Variants in PLCL2 observed in about 807,000 individuals in gnomAD.
The protein encoded by PLCL2 is phospholipase C like 2.
A neutral mutation model predicts 79.6 loss-of-function variants in PLCL2; 4 were observed. The observed-to-expected ratio is 0.05, with a 90% CI of 0.02 to 0.11. The LOEUF (loss-of-function observed/expected upper bound fraction) is 0.11, where lower values mean the gene tolerates loss of function less well. Among genes scored for constraint, PLCL2 ranks in the 10% least tolerant of loss-of-function variants. PLCL2 has a pLI of 1.00. For synonymous variants in PLCL2, 484 were observed against 457.7 expected, an observed-to-expected ratio of 1.06 and a Z score of -0.73; for missense variants, 895 against 1,291.0, an observed-to-expected ratio of 0.69 and a Z score of 4.70.
At chr3:16,927,772 A>G (rs972349066) in intron 1 of PLCL2, among the ~76,000 whole-genome samples, 5 of 151,144 alleles carry the variant, frequency 3.3e-5, no homozygotes, top group African/African-American at 1.2e-4. Flanking sequence ...GGGGTTTGCC[A>G]AAGTGTACAC....
At chr3:16,924,036 C>T (rs1011346147) in intron 1 of PLCL2, among the ~76,000 whole-genome samples, 4 of 152,094 alleles carry the variant, frequency 2.6e-5, no homozygotes, top group South Asian at 2.1e-4. Flanking sequence ...TCTTTGTGCA[C>T]GATTCCCTTT....
chr3:16,972,369 A>T (rs937182822), intron 1 of PLCL2, among the ~76,000 whole-genome samples: 1 of 152,036 alleles, frequency 6.6e-6, no homozygotes, highest in African/African-American at 2.4e-5. Flanking sequence ...GGTTGGTATG[A>T]TTTTGGCTTT....
chr3:17,037,909 G>A (rs1430997115), intron 3 of PLCL2, among the ~76,000 whole-genome samples: 2 of 151,932 alleles, frequency 1.3e-5, no homozygotes, highest in Admixed American at 6.6e-5. Flanking sequence ...TAGAAATCTA[G>A]TAATATATAA....
rs149073936 is a variant in PLCL2 at position 17,071,660 on chromosome 3, A to G, written c.3204+3595A>G. 3.0e-3 allele frequency among the ~76,000 whole-genome samples: 453 copies of G among 152,152 alleles called. 4 individuals carry two copies. The highest frequency in any genetic ancestry group is 0.01 in the African/African-American group (432 of 41,508). ...TCATACTTTTTTTCACACTTTCGGT[A>G]TGTTTGAAATTAGCATATATCTTAT... is the stretch of plus-strand genomic sequence containing the variant. On this transcript the variant is annotated intron_variant, in intron 5 of 5. Coordinates refer to ENST00000615277, the MANE Select transcript of PLCL2 (RefSeq NM_001144382.2).
chr3:16,950,614 T>C (rs2063641418), intron 1 of PLCL2, among the ~76,000 whole-genome samples: 1 of 151,990 alleles, frequency 6.6e-6, no homozygotes, highest in South Asian at 2.1e-4. Flanking sequence ...GTAAGTCTTA[T>C]TCTTCTATTG....
chr3:17,060,939 C>T (rs1265353023), intron 4 of PLCL2, among the ~76,000 whole-genome samples: 1 of 152,098 alleles, frequency 6.6e-6, no homozygotes. Flanking sequence ...AATTTTTATA[C>T]TGGTTGTGTT....
At chr3:17,039,675 A>G (rs1170473527) in intron 3 of PLCL2, among the ~76,000 whole-genome samples, 1 of 152,146 alleles carries the variant, frequency 6.6e-6, no homozygotes, top group Admixed American at 6.6e-5. Flanking sequence ...AGCTTTGCTC[A>G]TTGTTTACTA....
chr3:16,919,221 A>T (rs924974610), intron 1 of PLCL2, among the ~76,000 whole-genome samples: 7 of 152,142 alleles, frequency 4.6e-5, no homozygotes, highest in African/African-American at 1.7e-4. Flanking sequence ...GCCTTTATAT[A>T]CTAGCTAGTT....
At chr3:16,917,191 T>A (rs1460675450) in intron 1 of PLCL2, among the ~76,000 whole-genome samples, 1 of 152,178 alleles carries the variant, frequency 6.6e-6, no homozygotes, top group Admixed American at 6.5e-5. Flanking sequence ...TTCCTTTCAA[T>A]TAGAGTCATG....
At chr3:17,062,500 C>T (rs1235137157) in intron 4 of PLCL2, among the ~76,000 whole-genome samples, 1 of 152,172 alleles carries the variant, frequency 6.6e-6, no homozygotes, top group Non-Finnish European at 1.5e-5. Flanking sequence ...ATCCTAGTTC[C>T]TCCCCCTCTG....
intron 3 of PLCL2, among the ~76,000 whole-genome samples, chr3:17,021,960 T>G (rs990460023): frequency 6.6e-6 from 1 of 152,188 alleles, no homozygotes; most frequent in African/African-American, 2.4e-5. Context: ...GGGACCCGGC[T>G]GTTAGCATCA....
At position 16,973,435 on chromosome 3, in the gene PLCL2, A is replaced by C. The variant is rs145377756; in HGVS notation, c.328-36239A>C. Among the ~76,000 whole-genome samples, 1,339 of 151,214 alleles carry C rather than the reference A, an allele frequency of 8.9e-3. 66 individuals carry two copies. Among genetic ancestry groups the C allele is most frequent in the Admixed American group, 0.071 (1,076 of 15,142 alleles). On this transcript the variant is annotated intron_variant, in intron 1 of 5. Coordinates refer to ENST00000615277, the MANE Select transcript of PLCL2 (RefSeq NM_001144382.2). ...GATGTCATCTTGTATAGTATTTCAC[A>C]GGTATTCTCTGCATTTCCTGCATTT...
At chr3:16,926,531 T>C (rs1289263687) in intron 1 of PLCL2, among the ~76,000 whole-genome samples, 1 of 152,192 alleles carries the variant, frequency 6.6e-6, no homozygotes, top group Non-Finnish European at 1.5e-5. Flanking sequence ...TTTTGAAAGA[T>C]AAATAATGTC....
At position 16,885,276 on chromosome 3, in the gene PLCL2, T is replaced by C; in HGVS notation, c.237T>C (p.Val79=). ...GCCCTACCAGGGGACCCCGCGGCGT[T>C]GCGCTCGCCCCGACCCCCAGCGCGG... ...RASPTRGPRG[V]ALAPTPSAVV... The change falls in exon 1 of 6, where the codon GTT becomes GTC. Residue 79 remains valine, a synonymous_variant. Coordinates refer to ENST00000615277, the MANE Select transcript of PLCL2 (RefSeq NM_001144382.2). 1.5e-6 allele frequency: 1 copy of C among 663,198 alleles called. No homozygotes were observed. 41.1% of individuals were successfully genotyped at this position (663,198 alleles called of 1,614,324 possible). A position where few individuals can be genotyped will look rare whatever the true frequency, so the allele number is the denominator to read the frequency against.
chr3:17,031,695 A>G (rs1227155574), intron 3 of PLCL2, among the ~76,000 whole-genome samples: 1 of 152,194 alleles, frequency 6.6e-6, no homozygotes, highest in Non-Finnish European at 1.5e-5. Context: ...ATAGCATACC[A>G]AGTTCTCCCC....
At chr3:17,083,798 C>T (rs1027685052) in intron 5 of PLCL2, among the ~76,000 whole-genome samples, 6 of 152,128 alleles carry the variant, frequency 3.9e-5, no homozygotes, top group African/African-American at 1.4e-4. Context: ...CAGGTCACTG[C>T]AAGAATGGAG....
At chr3:16,996,752 G>A (rs2064157837) in intron 1 of PLCL2, among the ~76,000 whole-genome samples, 1 of 152,056 alleles carries the variant, frequency 6.6e-6, no homozygotes, top group Non-Finnish European at 1.5e-5. Flanking sequence ...CCGTTTGGTA[G>A]GCAGTGAACA....
At chr3:17,019,230 C>G (rs1005038875) in intron 3 of PLCL2, among the ~76,000 whole-genome samples, 15 of 152,238 alleles carry the variant, frequency 9.9e-5, no homozygotes, top group African/African-American at 3.4e-4. Context: ...GAAATATGCT[C>G]AAGCACATAT....
At chr3:16,981,123 G>C (rs1288176151) in intron 1 of PLCL2, among the ~76,000 whole-genome samples, 1 of 149,844 alleles carries the variant, frequency 6.7e-6, no homozygotes, top group African/African-American at 2.5e-5. Flanking sequence ...GAGGGAGACC[G>C]TGGAAAGAGA....
Sources: gnomAD v4.1 joint callset for allele counts (sites outside exome capture counted in the v4.1 genomes callset) on GRCh38, gnomAD v4.1.1 for gene constraint, MANE v1.5 for transcripts, NCBI Gene and HGNC (gene_info 2026-07-23, HGNC 2026-07-21) for gene names.